GRM7: variants seen among roughly 807,000 people sequenced by gnomAD.
GRM7 encodes glutamate metabotropic receptor 7.
In GRM7, 35 loss-of-function variants were observed where a neutral mutation model predicts 84.5. The observed-to-expected ratio is 0.41, with a 90% CI of 0.32 to 0.55. GRM7 has a LOEUF of 0.55. Ranked by LOEUF, GRM7 falls within the 20% of genes least tolerant of loss-of-function variation. The probability of loss-of-function intolerance (pLI) is 0.19; values close to 1 mark genes in which losing one functional copy is unlikely to be tolerated. For synonymous variants in GRM7, 487 were observed against 455.1 expected (o/e 1.07, Z -0.89); for missense variants, 1,003 against 1,194.6 (o/e 0.84, Z 2.36).
intron 1 of GRM7, among the ~76,000 whole-genome samples, chr3:6,939,878 T>A (rs940179517): frequency 6.6e-6 from 1 of 152,188 alleles, no homozygotes; most frequent in Non-Finnish European, 1.5e-5. Flanking sequence ...TCTAGGCTAC[T>A]ACTGCTTACT....
At chr3:7,567,925 C>A (rs767917083) in intron 7 of GRM7, among the ~76,000 whole-genome samples, 1 of 152,068 alleles carries the variant, frequency 6.6e-6, no homozygotes, top group Non-Finnish European at 1.5e-5. Context: ...GTCTGCATGA[C>A]AGCAGTCAGC....
chr3:7,574,520 C>T (rs941427988), intron 7 of GRM7, among the ~76,000 whole-genome samples: 1 of 152,170 alleles, frequency 6.6e-6, no homozygotes, highest in East Asian at 1.9e-4. Context: ...ATGCACAAAT[C>T]AAAGTTCAAA....
intron 1 of GRM7, among the ~76,000 whole-genome samples, chr3:6,964,358 G>T (rs147774080): frequency 1.2e-4 from 18 of 152,252 alleles, no homozygotes; most frequent in Non-Finnish European, 2.5e-4. Context: ...TGGAAAGAGA[G>T]TTAGTTAGGG....
At chr3:7,516,164 C>T (rs1435219874) in intron 7 of GRM7, among the ~76,000 whole-genome samples, 2 of 31,430 alleles carry the variant, frequency 6.4e-5, no homozygotes, top group African/African-American at 1.3e-4. Flanking sequence ...CACCATATCT[C>T]AAAAAAAAAA....
At chr3:7,309,214 C>T (rs1207261385) in intron 4 of GRM7, among the ~76,000 whole-genome samples, 2 of 152,152 alleles carry the variant, frequency 1.3e-5, no homozygotes, top group African/African-American at 2.4e-5. Flanking sequence ...ATTAAGATAG[C>T]ATCTATGCAT....
At chr3:7,347,797 C>A (rs1032757549) in intron 4 of GRM7, among the ~76,000 whole-genome samples, 1 of 152,112 alleles carries the variant, frequency 6.6e-6, no homozygotes, top group Non-Finnish European at 1.5e-5. Flanking sequence ...TAATTTAGTT[C>A]CATGTTTCTT....
chr3:7,299,943 G>T (rs1231866840), intron 3 of GRM7, among the ~76,000 whole-genome samples: 2 of 151,724 alleles, frequency 1.3e-5, no homozygotes, highest in African/African-American at 2.4e-5. Context: ...GTTATGCAAT[G>T]TATAAATTTA....
At chr3:7,536,681 C>G (rs1413021162) in intron 7 of GRM7, among the ~76,000 whole-genome samples, 1 of 152,134 alleles carries the variant, frequency 6.6e-6, no homozygotes, top group South Asian at 2.1e-4. Context: ...TTGAGGAAGC[C>G]AAATGCACAG....
intron 8 of GRM7, among the ~76,000 whole-genome samples, chr3:7,579,640 C>G (rs768615515): frequency 1.9e-4 from 29 of 152,250 alleles, no homozygotes; most frequent in African/African-American, 7.0e-4. Context: ...AATTATCTAT[C>G]TAAAATAACC....
chr3:7,724,286 A>G (rs1446686717), intron 9 of GRM7, among the ~76,000 whole-genome samples: 2 of 151,964 alleles, frequency 1.3e-5, no homozygotes, highest in Non-Finnish European at 2.9e-5. Context: ...CCCTCAACTC[A>G]CCATGCTTGA....
intron 4 of GRM7, among the ~76,000 whole-genome samples, chr3:7,326,952 A>C: frequency 6.6e-6 from 1 of 152,340 alleles, no homozygotes; most frequent in Admixed American, 6.5e-5. Flanking sequence ...ATATTTAAAT[A>C]CTTACATAAA....
intron 7 of GRM7, among the ~76,000 whole-genome samples, chr3:7,510,424 C>A (rs1436001948): frequency 6.6e-6 from 1 of 152,138 alleles, no homozygotes; most frequent in Non-Finnish European, 1.5e-5. Flanking sequence ...ATTCTCAGTG[C>A]CTATTACAGT....
At chr3:6,994,934 C>T (rs939232107) in intron 1 of GRM7, among the ~76,000 whole-genome samples, 2 of 152,294 alleles carry the variant, frequency 1.3e-5, no homozygotes, top group South Asian at 2.1e-4. Flanking sequence ...TCTTCACGGG[C>T]TACACTTTCA....
intron 1 of GRM7, among the ~76,000 whole-genome samples, chr3:7,083,409 C>A (rs1429756742): frequency 6.6e-6 from 1 of 152,108 alleles, no homozygotes; most frequent in Non-Finnish European, 1.5e-5. Context: ...AGTGTGAACA[C>A]AATTTTCCTG....
At chr3:7,277,237 A>C (rs1232491482) in intron 2 of GRM7, among the ~76,000 whole-genome samples, 1 of 152,094 alleles carries the variant, frequency 6.6e-6, no homozygotes, top group Non-Finnish European at 1.5e-5. Context: ...TAGACTGTTG[A>C]ATTTCATGGA....
At chr3:7,509,295 T>G (rs1700126646) in intron 7 of GRM7, among the ~76,000 whole-genome samples, 1 of 152,154 alleles carries the variant, frequency 6.6e-6, no homozygotes, top group Admixed American at 6.6e-5. Flanking sequence ...TATTTTATGA[T>G]TAGTTGTTAT....
At chr3:7,187,710 T>C (rs1348351070) in intron 2 of GRM7, among the ~76,000 whole-genome samples, 5 of 152,196 alleles carry the variant, frequency 3.3e-5, no homozygotes, top group Non-Finnish European at 5.9e-5. Context: ...CAGAAATTTC[T>C]AGGGAAGGAT....
intron 2 of GRM7, among the ~76,000 whole-genome samples, chr3:7,177,413 G>A (rs1429651977): frequency 6.6e-6 from 1 of 152,040 alleles, no homozygotes; most frequent in African/African-American, 2.4e-5. Context: ...CTCTTCTGCT[G>A]CTGCGCTTAA....
chr3:7,355,101 A>T (rs1460305163), intron 4 of GRM7, among the ~76,000 whole-genome samples: 2 of 152,162 alleles, frequency 1.3e-5, no homozygotes, highest in East Asian at 3.9e-4. Context: ...TAAATAAATC[A>T]GGCTAAAAAT....
Sources: allele counts gnomAD v4.1 joint callset (sites outside exome capture counted in the v4.1 genomes callset), GRCh38; gene constraint gnomAD v4.1.1; transcripts MANE v1.5; gene names NCBI Gene and HGNC (gene_info 2026-07-23, HGNC 2026-07-21).